C3: variants seen among roughly 807,000 people sequenced by gnomAD.
C3 encodes the protein C3 and PZP-like alpha-2-macroglobulin domain-containing protein 1.
In C3, 97 loss-of-function variants were observed where a neutral mutation model predicts 207.9. The ratio of observed to expected loss-of-function variants is 0.47; its 90% CI spans 0.40 to 0.55. C3 has a LOEUF of 0.55. Ranked by LOEUF, C3 falls within the 20% of genes least tolerant of loss-of-function variation. The probability of loss-of-function intolerance (pLI) is 0.00; values close to 1 mark genes in which losing one functional copy is unlikely to be tolerated. For missense variants in C3, 1,684 were observed against 2,171.7 expected, an observed-to-expected ratio of 0.78 and a Z score of 4.46; for synonymous variants, 848 against 857.6, an observed-to-expected ratio of 0.99 and a Z score of 0.20.
At chr19:6,709,466 GA>G (rs1262889170) in intron 14 of C3, among the ~76,000 whole-genome samples, 2 of 141,436 alleles carry the variant, frequency 1.4e-5, no homozygotes, top group African/African-American at 5.4e-5. Context: ...CAAACAAACA[GA>G]AAAAAAAGTC....
At chr19:6,698,228 G>T (rs1432037998) in intron 19 of C3, among the ~76,000 whole-genome samples, 1 of 151,964 alleles carries the variant, frequency 6.6e-6, no homozygotes, top group Non-Finnish European at 1.5e-5. Context: ...TGTTGGCCAG[G>T]ATGGTCTCGA....
At chr19:6,694,755 TG>T in intron 23 of C3, 121 bp from the exon 24 acceptor site, 1 of 839,798 alleles carries the variant, frequency 1.2e-6, no homozygotes, top group Non-Finnish European at 1.9e-6. Context: ...AGGCGAGGAC[TG>T]GGGAGGATGT....
At chr19:6,706,004 T>C (rs749144213) in intron 17 of C3, among the ~76,000 whole-genome samples, 59 of 152,368 alleles carry the variant, frequency 3.9e-4, no homozygotes, top group Non-Finnish European at 5.6e-4. Context: ...TAAATTTCTC[T>C]TTGTTTCACT....
intron 27 of C3, among the ~76,000 whole-genome samples, chr19:6,688,018 G>A (rs1207310850): frequency 1.3e-4 from 20 of 151,356 alleles, no homozygotes; most frequent in African/African-American, 4.4e-4. Flanking sequence ...CACCGCGCCC[G>A]GCTAATTTTT....
In C3 at chr19:6,719,980, A is replaced by G. The variant is rs1406786449; in HGVS notation, c.74+536T>C. Among the ~76,000 whole-genome samples, 3 of 152,142 alleles carry G rather than the reference A, an allele frequency of 2.0e-5. No homozygotes were observed. The East Asian group carries it at 5.8e-4, about 29-fold the overall frequency. ...ACTATACATGAACCCGAAGTAGCCA[A>G]TCTTTAAACCCACACTGAAAATTGC... is the stretch of plus-strand genomic sequence containing the variant. On this transcript the variant is annotated intron_variant, in intron 1 of 40. Transcript: ENST00000245907. This position sits in a 1 kb window ranked among gnomAD's most constrained non-coding sequence, Gnocchi z 5.4.
chr19:6,718,242 C>T lies in C3; in HGVS notation c.433+5G>A. 6.2e-7 allele frequency: 1 copy of T among 1,614,218 alleles called. No homozygotes were observed. The highest frequency in any genetic ancestry group is 8.5e-7 in the Non-Finnish European group (1 of 1,180,038). ...CCCGCCCTCTCCAGCCGCCCCCAGCCTCACCTGTGGAGCCAGGGGTGTAGA... is the reference window on the plus strand; with the variant it reads ...CCCGCCCTCTCCAGCCGCCCCCAGCTTCACCTGTGGAGCCAGGGGTGTAGA... On this transcript the variant is annotated splice_donor_5th_base_variant and intron_variant, in intron 3 of 40. Transcript: ENST00000245907.
intron 29 of C3, 92 bp from the exon 30 acceptor site, chr19:6,685,238 G>A: frequency 8.1e-7 from 1 of 1,230,826 alleles, no homozygotes; most frequent in Non-Finnish European, 1.2e-6. Context: ...ATCAGAGCTG[G>A]GACATCAAAA....
At chr19:6,696,720 G>C (rs1967541701) in intron 21 of C3, 61 bp from the exon 22 acceptor site, 1 of 1,496,878 alleles carries the variant, frequency 6.7e-7, no homozygotes, top group Admixed American at 1.7e-5. Flanking sequence ...CAGACACACA[G>C]ATGGTCAGCA....
At chr19:6,684,107 G>T (rs1389522670) in intron 33 of C3, 3 of 457,450 alleles carry the variant, frequency 6.6e-6, no homozygotes, top group Admixed American at 6.8e-5. Context: ...TCTCTAAAAA[G>T]AAAAAAAGAA....
At chr19:6,713,133 C>G in intron 9 of C3, 56 bp downstream of exon 9, 1 of 1,606,648 alleles carries the variant, frequency 6.2e-7, no homozygotes, top group Admixed American at 1.7e-5. Flanking sequence ...CCTGGTCTCC[C>G]CTCTCAGACC....
Position 6,719,111 on chromosome 19 carries a change from G to C in C3, c.267+100C>G. 1 of 1,069,810 alleles carries C rather than the reference G, an allele frequency of 9.3e-7. No homozygotes were observed. The highest frequency in any genetic ancestry group is 1.4e-6 in the Non-Finnish European group (1 of 691,910). 66.3% of individuals were successfully genotyped at this position (1,069,810 alleles called of 1,614,324 possible). ...GGGTGGAGTCTCAGGGAAGGGCAGG[G>C]CTTAGAAAGGGAGAAGACAGAAGGG... On this transcript the variant is annotated intron_variant, in intron 2 of 40. Coordinates refer to ENST00000245907, the MANE Select transcript of C3 (RefSeq NM_000064.4). The surrounding 1 kb of genome is among the most constrained non-coding windows in gnomAD (Gnocchi z 5.4).
chr19:6,697,061 T>TAAA (rs1344751717), intron 21 of C3, among the ~76,000 whole-genome samples: 1 of 76,542 alleles, frequency 1.3e-5, no homozygotes, highest in Non-Finnish European at 2.6e-5. Flanking sequence ...AACAAACAAA[T>TAAA]AAATAAATAA....
intron 19 of C3, among the ~76,000 whole-genome samples, chr19:6,700,694 ATTATATATGTAATATGTGGTATG>A (rs1185912436): frequency 6.1e-5 from 1 of 16,304 alleles, no homozygotes; most frequent in Non-Finnish European, 1.0e-4. Flanking sequence ...TATATGATAT[ATTATATATGTAATATGTGGTATG>A]TTATATATGT....
intron 27 of C3, among the ~76,000 whole-genome samples, chr19:6,689,318 T>TAC (rs1568213384): frequency 7.0e-4 from 78 of 111,724 alleles, no homozygotes; most frequent in African/African-American, 2.2e-3. Flanking sequence ...TCTCTCTCTC[T>TAC]CTCTACCTAC....
chr19:6,702,775 T>A, intron 17 of C3, 196 bp from the exon 18 acceptor site: 1 of 534,276 alleles, frequency 1.9e-6, no homozygotes. Context: ...GGCTCACCCC[T>A]GTAATCCCAG....
At chr19:6,683,664 G>A (rs1917925244) in intron 33 of C3, among the ~76,000 whole-genome samples, 1 of 151,876 alleles carries the variant, frequency 6.6e-6, no homozygotes, top group Non-Finnish European at 1.5e-5. Flanking sequence ...TGTTAGCCAG[G>A]ATGGTCTCGA....
intron 4 of C3, chr19:6,717,702 G>C (rs549613791): frequency 1.1e-4 from 40 of 364,010 alleles, no homozygotes; most frequent in African/African-American, 8.4e-4. Context: ...TGTGTATTGC[G>C]TGGTTGTGTA....
intron 4 of C3, among the ~76,000 whole-genome samples, chr19:6,715,081 A>G (rs1320848150): frequency 6.6e-6 from 1 of 152,094 alleles, no homozygotes; most frequent in Non-Finnish European, 1.5e-5. Context: ...ACTAATAACT[A>G]GTAGTGTCAT....
At position 6,707,852 on chromosome 19, in the gene C3, G is replaced by A. The variant is rs113044084; in HGVS notation, c.1923C>T (p.Asp641=). 4.9e-5 allele frequency: 79 copies of A among 1,613,974 alleles called. No individual in the cohort carries two copies. In the African/African-American group the frequency reaches 5.7e-4, roughly 12 times the overall value. The change falls in exon 15 of 41, where the codon GAC becomes GAT. Residue 641 remains aspartate (D), a synonymous_variant. Coordinates refer to ENST00000245907, the MANE Select transcript of C3 (RefSeq NM_000064.4). ...TGCTGCTCGTGAAGGTCAGCCCTGC[G>A]TCGGAGAAGACACCGGCGTAATCCT... ...SGKDYAGVFS[D]AGLTFTSSSG...
Sources: gnomAD v4.1 joint callset for allele counts (sites outside exome capture counted in the v4.1 genomes callset) on GRCh38, gnomAD v4.1.1 for gene constraint, Gnocchi (gnomAD v3.1) non-coding constraint, MANE v1.5 for transcripts, NCBI Gene and HGNC (gene_info 2026-07-23, HGNC 2026-07-21) for gene names.